FGF13: variants seen among roughly 807,000 people sequenced by gnomAD.
FGF13 encodes the protein fibroblast growth factor 13.
In FGF13, 2 loss-of-function variants were observed where a neutral mutation model predicts 19.5. That is an observed-to-expected ratio of 0.10 (90% CI 0.04 to 0.32). The LOEUF (loss-of-function observed/expected upper bound fraction) is 0.32. Ranked by LOEUF, FGF13 falls within the 10% of genes least tolerant of loss-of-function variation. FGF13 has a pLI of 1.00. For synonymous variants in FGF13, 72 were observed against 76.9 expected (o/e 0.94, Z 0.33); for missense variants, 113 against 192.7 (o/e 0.59, Z 2.45).
At chrX:138,942,762 C>A (rs2091764665) in intron 1 of FGF13, among the ~76,000 whole-genome samples, 1 of 111,729 alleles carries the variant, frequency 9.0e-6, no homozygotes, top group Non-Finnish European at 1.9e-5. Flanking sequence ...GGGGGAAAAA[C>A]AACGTCAATA....
chrX:138,892,363 A>ACAAAG (rs765932302), intron 1 of FGF13, among the ~76,000 whole-genome samples: 1 of 111,887 alleles, frequency 8.9e-6, no homozygotes, highest in South Asian at 3.8e-4. Context: ...AGTGTCTGAC[A>ACAAAG]CAAAGCAAAC....
intron 1 of FGF13, among the ~76,000 whole-genome samples, chrX:138,920,712 A>G (rs2091640339): frequency 9.0e-6 from 1 of 111,491 alleles, no homozygotes; most frequent in South Asian, 3.8e-4. Context: ...CAATGTTGTA[A>G]TGATAGAGAA....
At chrX:138,911,742 AG>A (rs1430392069) in intron 1 of FGF13, among the ~76,000 whole-genome samples, 1 of 112,157 alleles carries the variant, frequency 8.9e-6, no homozygotes, top group African/African-American at 3.2e-5. Context: ...CTTGTATCAC[AG>A]GCAGCTAATA....
At chrX:138,943,574 T>C (rs763044378) in intron 1 of FGF13, among the ~76,000 whole-genome samples, 2 of 111,983 alleles carry the variant, frequency 1.8e-5, no homozygotes, top group Non-Finnish European at 3.8e-5. Context: ...CACTAAAATG[T>C]GCCCCACATG....
chrX:139,076,800 T>G (rs187923703), intron 1 of FGF13, among the ~76,000 whole-genome samples: 319 of 112,244 alleles, frequency 2.8e-3, no homozygotes, highest in Non-Finnish European at 4.8e-3. Context: ...TATGATTCTC[T>G]GATCTTTTGG....
intron 1 of FGF13, among the ~76,000 whole-genome samples, chrX:138,925,661 AT>A (rs1215596866): frequency 9.0e-6 from 1 of 111,028 alleles, no homozygotes; most frequent in Admixed American, 9.6e-5. Flanking sequence ...AGGTTCACTA[AT>A]AAATTCAAAA....
rs147040438 is a variant in FGF13 at position 138,936,859 on chromosome X, G to A, written c.-112-72209C>T. ...ACCGCAAGGCCACAGTGAGGGGAGCGGTCAGAATGTTATAGGGTAAAGATT... is the reference window on the plus strand; with the variant it reads ...ACCGCAAGGCCACAGTGAGGGGAGCAGTCAGAATGTTATAGGGTAAAGATT... On this transcript the variant is annotated intron_variant, in intron 1 of 2. Transcript: ENST00000421460. 4.2e-3 allele frequency among the ~76,000 whole-genome samples: 471 copies of A among 111,779 alleles called. 3 individuals carry two copies. The highest frequency in any genetic ancestry group is 0.015 in the African/African-American group (447 of 30,788).
intron 1 of FGF13, among the ~76,000 whole-genome samples, chrX:139,017,178 G>T (rs1274330175): frequency 9.2e-6 from 1 of 108,351 alleles, no homozygotes; most frequent in Non-Finnish European, 1.9e-5. Context: ...GGAGATGGGG[G>T]GATCAAACTT....
chrX:138,762,267 G>A (rs2090472901), intron 3 of FGF13, among the ~76,000 whole-genome samples: 1 of 110,904 alleles, frequency 9.0e-6, no homozygotes, highest in South Asian at 3.8e-4. Context: ...TCCCAATGGT[G>A]CCTTTGACCT....
intron 1 of FGF13, among the ~76,000 whole-genome samples, chrX:139,014,835 C>A (rs1230871933): frequency 9.0e-6 from 1 of 110,829 alleles, no homozygotes; most frequent in Non-Finnish European, 1.9e-5. Flanking sequence ...ATTAGCAAAC[C>A]AAATTCAACA....
rs186256864 is a variant in FGF13, at chrX:139,002,672, C to A, written c.-112-138022G>T. On this transcript the variant is annotated intron_variant, in intron 1 of 2. Transcript: ENST00000421460. The stretch of plus-strand genomic sequence containing the variant: ...GAGTAAAGACATCTCTGTCTTGCAT[C>A]ACGGATACCAGCTCAGTCACAGTAA... Among the ~76,000 whole-genome samples, 12 of 111,342 alleles carry A rather than the reference C, an allele frequency of 1.1e-4. No individual in the cohort carries two copies. In the Admixed American group the frequency reaches 1.1e-3, roughly 11 times the overall value.
intron 3 of FGF13, among the ~76,000 whole-genome samples, chrX:138,789,300 C>T (rs1408751214): frequency 9.2e-6 from 1 of 109,041 alleles, no homozygotes. Context: ...TCCCAAGTAG[C>T]TGGGATTACA....
At chrX:138,903,608 C>G (rs1207711914) in intron 1 of FGF13, among the ~76,000 whole-genome samples, 2 of 111,470 alleles carry the variant, frequency 1.8e-5, no homozygotes, top group Non-Finnish European at 3.8e-5. Context: ...CACCTCATTT[C>G]TAGCTCCACA....
intron 1 of FGF13, among the ~76,000 whole-genome samples, chrX:139,006,643 A>G (rs1343914953): frequency 1.8e-5 from 2 of 111,995 alleles, no homozygotes; most frequent in East Asian, 5.6e-4. Flanking sequence ...CAAGACATAG[A>G]CATTACAATA....
intron 1 of FGF13, among the ~76,000 whole-genome samples, chrX:139,124,566 C>G (rs1463215169): frequency 9.0e-6 from 1 of 111,507 alleles, no homozygotes; most frequent in Non-Finnish European, 1.9e-5. Context: ...GTGGGCTGAC[C>G]ACTGAAATGA....
At chrX:138,668,190 T>C (rs1473705839) in intron 3 of FGF13, among the ~76,000 whole-genome samples, 3 of 111,482 alleles carry the variant, frequency 2.7e-5, no homozygotes, top group South Asian at 3.7e-4. Context: ...TTTAATCCTC[T>C]TAAGAACCCT....
intron 1 of FGF13, among the ~76,000 whole-genome samples, chrX:138,867,233 C>T (rs1297612094): frequency 9.1e-6 from 1 of 110,457 alleles, no homozygotes; most frequent in African/African-American, 3.3e-5. Flanking sequence ...CATAGTGAGA[C>T]CACATCTCTA....
chrX:139,158,175 T>C (rs1166387581), intron 1 of FGF13, among the ~76,000 whole-genome samples: 5 of 108,512 alleles, frequency 4.6e-5, no homozygotes, highest in African/African-American at 1.7e-4. Context: ...CACAAAACGG[T>C]GCGGCCATTT....
intron 3 of FGF13, among the ~76,000 whole-genome samples, chrX:138,664,913 A>G (rs907197516): frequency 9.0e-6 from 1 of 111,170 alleles, no homozygotes; most frequent in Non-Finnish European, 1.9e-5. Flanking sequence ...CCACTGCTCC[A>G]TTCAATTTTA....
Sources: gnomAD v4.1 joint callset for allele counts (sites outside exome capture counted in the v4.1 genomes callset) on GRCh38, gnomAD v4.1.1 for gene constraint, MANE v1.5 for transcripts, NCBI Gene and HGNC (gene_info 2026-07-23, HGNC 2026-07-21) for gene names.